TMEM135: variants seen among roughly 807,000 people sequenced by gnomAD.
TMEM135 encodes peroxisomal membrane protein 52.
In TMEM135, 30 loss-of-function variants were observed where a neutral mutation model predicts 60.3. That is an observed-to-expected ratio of 0.50 (90% CI 0.37 to 0.68). TMEM135 has a LOEUF of 0.68. TMEM135 is among the 30% of genes least tolerant of loss of function. The pLI is 0.00. For missense variants in TMEM135, 468 were observed against 548.8 expected, an observed-to-expected ratio of 0.85 and a Z score of 1.47; for synonymous variants, 190 against 186.7, an observed-to-expected ratio of 1.02 and a Z score of -0.14.
intron 6 of TMEM135, among the ~76,000 whole-genome samples, chr11:87,240,572 A>G (rs1348747280): frequency 6.6e-6 from 1 of 152,112 alleles, no homozygotes. Flanking sequence ...AAATCTTTTA[A>G]TTAAGAAGCA....
chr11:87,072,463 C>T (rs1267288860), intron 3 of TMEM135, among the ~76,000 whole-genome samples: 2 of 152,090 alleles, frequency 1.3e-5, no homozygotes, highest in Non-Finnish European at 2.9e-5. Context: ...CCACTGCAAC[C>T]TCCGCCTCCC....
At chr11:87,128,862 T>C (rs1425461153) in intron 4 of TMEM135, among the ~76,000 whole-genome samples, 1 of 151,602 alleles carries the variant, frequency 6.6e-6, no homozygotes, top group African/African-American at 2.4e-5. Context: ...CCCTTAGTAG[T>C]TGAATGAATA....
chr11:87,149,445 C>T (rs1398172209), intron 4 of TMEM135, among the ~76,000 whole-genome samples: 1 of 152,134 alleles, frequency 6.6e-6, no homozygotes, highest in Non-Finnish European at 1.5e-5. Context: ...AAAATTTACA[C>T]AGTGGGAGAG....
At chr11:87,159,359 T>C (rs1240401361) in intron 5 of TMEM135, among the ~76,000 whole-genome samples, 1 of 152,176 alleles carries the variant, frequency 6.6e-6, no homozygotes, top group East Asian at 1.9e-4. Context: ...GTCTCTAAAA[T>C]TAGGAAATTT....
chr11:87,275,693 T>G (rs187756179), intron 6 of TMEM135, among the ~76,000 whole-genome samples: 55 of 152,234 alleles, frequency 3.6e-4, no homozygotes, highest in African/African-American at 1.2e-3. Flanking sequence ...GGAGTTTCAC[T>G]CTTGTTGCCC....
chr11:87,323,133 T>C lies in TMEM135; in HGVS notation c.*1800T>C. 1 of 454,098 alleles carries C rather than the reference T, an allele frequency of 2.2e-6. No individual in the cohort carries two copies. The highest frequency in any genetic ancestry group is 4.4e-6 in the Non-Finnish European group (1 of 226,692). 28.1% of individuals were successfully genotyped at this position (454,098 alleles called of 1,614,324 possible). On this transcript the variant is annotated 3_prime_UTR_variant, in exon 15 of 15. Coordinates refer to ENST00000305494, the MANE Select transcript of TMEM135 (RefSeq NM_022918.4). ...TGTTTTCATTGACATTAAAAGACTG[T>C]GATATTGAAAGATGAATTACGAAAT... is the stretch of plus-strand genomic sequence containing the variant.
At chr11:87,137,076 T>C (rs1488241239) in intron 4 of TMEM135, among the ~76,000 whole-genome samples, 4 of 152,138 alleles carry the variant, frequency 2.6e-5, no homozygotes, top group Admixed American at 6.5e-5. Context: ...GAGAAGGGTG[T>C]GGAAATCTGT....
chr11:87,223,161 C>CT (rs34711550), intron 5 of TMEM135, among the ~76,000 whole-genome samples: 59,338 of 133,620 alleles, frequency 0.44, 15,496 homozygotes, highest in Non-Finnish European at 0.6. Flanking sequence ...TTGAAAAGCA[C>CT]TTTTTTTTTT....
At chr11:87,212,026 T>C (rs1362569794) in intron 5 of TMEM135, among the ~76,000 whole-genome samples, 1 of 152,196 alleles carries the variant, frequency 6.6e-6, no homozygotes, top group Admixed American at 6.5e-5. Flanking sequence ...TTTTTTCATA[T>C]GTAAAACAAG....
At chr11:87,260,445 T>C (rs1941627925) in intron 6 of TMEM135, among the ~76,000 whole-genome samples, 1 of 152,216 alleles carries the variant, frequency 6.6e-6, no homozygotes, top group Non-Finnish European at 1.5e-5. Flanking sequence ...ACATTTATTA[T>C]AGCAAGCCTA....
intron 1 of TMEM135, among the ~76,000 whole-genome samples, chr11:87,054,580 A>C (rs1949874331): frequency 6.6e-6 from 1 of 152,228 alleles, no homozygotes; most frequent in African/African-American, 2.4e-5. Context: ...GAATTTTTTC[A>C]ACTTACTGTC....
At chr11:87,153,488 C>G (rs1648546550) in intron 4 of TMEM135, among the ~76,000 whole-genome samples, 1 of 152,182 alleles carries the variant, frequency 6.6e-6, no homozygotes, top group Non-Finnish European at 1.5e-5. Flanking sequence ...TCCATACTGG[C>G]TATTCACTTT....
chr11:87,041,940 A>G (rs912824612), intron 1 of TMEM135, among the ~76,000 whole-genome samples: 1 of 152,224 alleles, frequency 6.6e-6, no homozygotes, highest in African/African-American at 2.4e-5. Flanking sequence ...TGCAGTTGCC[A>G]TTATTGCTAG....
intron 4 of TMEM135, among the ~76,000 whole-genome samples, chr11:87,145,035 C>T (rs1938376059): frequency 1.3e-5 from 2 of 151,994 alleles, no homozygotes; most frequent in African/African-American, 4.8e-5. Flanking sequence ...CCATGTAGTG[C>T]AATAGTACTC....
rs145176984 is a variant in TMEM135, at chr11:87,245,061, C to T, written c.509+8377C>T. Among the ~76,000 whole-genome samples the T allele has an allele frequency of 8.9e-5, 12 of 134,512 alleles. 1 individual carries two copies. The highest frequency in any genetic ancestry group is 1.5e-4 in the Non-Finnish European group (9 of 62,006). 88.2% of individuals were successfully genotyped at this position (134,512 alleles called of 152,430 possible). On this transcript the variant is annotated intron_variant, in intron 6 of 14. Transcript: ENST00000305494. ...TTGTGGTATGTTGTATCTTTGTTCT[C>T]CTTGGTTTCAAAGAACATCTTTATT...
intron 5 of TMEM135, among the ~76,000 whole-genome samples, chr11:87,202,306 G>C (rs1037252205): frequency 6.6e-6 from 1 of 152,000 alleles, no homozygotes; most frequent in Admixed American, 6.6e-5. Context: ...GATTACAGGC[G>C]TAAGCCGCCA....
At chr11:87,157,597 A>C (rs77480895) in intron 5 of TMEM135, 191 bp downstream of exon 5, 20,683 of 527,490 alleles carry the variant, frequency 0.039, 775 homozygotes, top group African/African-American at 0.14. Flanking sequence ...TCTTAGATTG[A>C]AAACAAATTA....
intron 5 of TMEM135, among the ~76,000 whole-genome samples, chr11:87,198,090 C>T (rs1940001402): frequency 6.6e-6 from 1 of 151,964 alleles, no homozygotes; most frequent in Non-Finnish European, 1.5e-5. Context: ...TCATTTCAAG[C>T]CCTCTCTTCT....
intron 6 of TMEM135, among the ~76,000 whole-genome samples, chr11:87,246,742 T>G (rs189084164): frequency 0.042 from 5,403 of 127,390 alleles, 249 homozygotes; most frequent in Admixed American, 0.057. Flanking sequence ...TTATGCTAGT[T>G]ATACATTCGT....
Sources: gnomAD v4.1 joint callset for allele counts (sites outside exome capture counted in the v4.1 genomes callset) on GRCh38, gnomAD v4.1.1 for gene constraint, MANE v1.5 for transcripts, NCBI Gene and HGNC (gene_info 2026-07-23, HGNC 2026-07-21) for gene names.